Variants in SPTBN5 observed in about 807,000 individuals in gnomAD.
SPTBN5 encodes spectrin beta chain, non-erythrocytic 5.
A neutral mutation model predicts 477.6 loss-of-function variants in SPTBN5; 513 were observed. The observed-to-expected ratio is 1.07, with a 90% CI of 1.00 to 1.16. SPTBN5 has a LOEUF of 1.16. Ranked by LOEUF, SPTBN5 falls within the 50% of genes most tolerant of loss-of-function variation. The pLI is 0.00. For synonymous variants in SPTBN5, 2,169 were observed against 2,011.7 expected (o/e 1.08, Z -2.09); for missense variants, 5,062 against 4,731.8 (o/e 1.07, Z -2.05).
chr15:41,877,479 A>T (rs2066782825), intron 17 of SPTBN5, 123 bp from the exon 18 acceptor site: 1 of 1,374,000 alleles, frequency 7.3e-7, no homozygotes, highest in Non-Finnish European at 9.7e-7. Context: ...TGATAGGCCC[A>T]GCAGAGTGCT....
Position 41,881,095 on chromosome 15 carries a change from G to A in SPTBN5, c.2597C>T (p.Thr866Ile). 1 of 1,612,184 alleles carries A rather than the reference G, an allele frequency of 6.2e-7. No individual in the cohort carries two copies. The highest frequency in any genetic ancestry group is 8.5e-7 in the Non-Finnish European group (1 of 1,179,158). ...AEPDPDFDPN[T>I]ILQTQDHLSQ... ...CAAGTGGTCCTGTGTCTGGAGTATA[G>A]TGTTGGGATCAAAGTCAGGGTCAGG... The change falls in exon 13 of 68, where the codon ACT becomes ATT. Residue 866 changes from threonine to isoleucine, a missense_variant. Thr to Ile is a moderately conservative substitution (Grantham distance 89). Coordinates refer to ENST00000320955, the MANE Select transcript of SPTBN5 (RefSeq NM_016642.4).
In SPTBN5 at chr15:41,854,775, C is replaced by A; in HGVS notation, c.9618+7G>T. The A allele has an allele frequency of 6.6e-7, 1 of 1,511,576 alleles. No individual in the cohort carries two copies. Among genetic ancestry groups the A allele is most frequent in the Middle Eastern group, 1.8e-4 (1 of 5,590 alleles). The allele number at this position is 1,511,576 out of a possible 1,614,324, so 93.6% of individuals were successfully genotyped here. A position where few individuals can be genotyped will look rare whatever the true frequency, so the allele number is the denominator to read the frequency against. ...CCCTTAGCTTGGCCCGGCCTGTGAT[C>A]ACCTACCTCTGTGCGGGCTTTTATT... On this transcript the variant is annotated splice_region_variant and intron_variant, in intron 56 of 67. Transcript: ENST00000320955.
Position 41,854,080 on chromosome 15 carries a change from C to T in SPTBN5, c.9744G>A (p.Arg3248=), listed in dbSNP as rs761915849. The T allele has an allele frequency of 2.5e-6, 4 of 1,577,258 alleles. No individual in the cohort carries two copies. The Admixed American group carries it at 5.4e-5, about 21-fold the overall frequency. ...EDGGHSLSSV[R]TLQQQHRRLE... is the part of the protein sequence containing the mutation. ...GGCGCCTGTGCTGTTGCTGCAGGGT[C>T]CGCACAGATGACAGGCTGTGGCCTC... The change falls in exon 57 of 68, where the codon CGG becomes CGA. Residue 3248 remains arginine (R), a synonymous_variant. Transcript: ENST00000320955.
rs372610201 is a variant in SPTBN5, at chr15:41,858,949, G to T, written c.8020C>A (p.Arg2674Ser). Residue 2674 changes from arginine (R) to serine (S), a missense_variant, in exon 48 of 68, where the codon CGC becomes AGC. By Grantham distance (110) the Arg-to-Ser change is moderately radical. Transcript: ENST00000320955. ...KEALFRQAGT[R>S]RHRLEELRQL... ...CGGAGCTCCTCCAGGCGATGGCGGC[G>T]GGTCCCGGCTTGCCTGAAGAGCGCC... 4 of 1,589,252 alleles carry T rather than the reference G, an allele frequency of 2.5e-6. No individual in the cohort carries two copies. The highest frequency in any genetic ancestry group is 2.7e-5 in the African/African-American group (2 of 74,528).
chr15:41,863,654 C>T (rs201797965), intron 41 of SPTBN5, 50 bp downstream of exon 41: 1 of 1,467,200 alleles, frequency 6.8e-7, no homozygotes, highest in South Asian at 1.2e-5. Flanking sequence ...GCCCCCTCCC[C>T]TGACTGCATT....
In SPTBN5 at chr15:41,850,849, C is replaced by T. The variant is rs767673954; in HGVS notation, c.10921+5G>A. 6.9e-6 allele frequency: 11 copies of T among 1,590,124 alleles called. No individual in the cohort carries two copies. Among genetic ancestry groups the T allele is most frequent in the Middle Eastern group, 1.7e-4 (1 of 6,034 alleles). On this transcript the variant is annotated splice_donor_5th_base_variant and intron_variant, in intron 66 of 67. Transcript: ENST00000320955. ...CCCTCCCCGCATCCTTCCCCTGAAG[C>T]CCACCTGCAGTGCTGCCCAGGGCTC...
intron 36 of SPTBN5, 61 bp downstream of exon 36, chr15:41,866,898 C>A: frequency 1.3e-6 from 2 of 1,490,014 alleles, no homozygotes; most frequent in Admixed American, 2.2e-5. Context: ...GGTGTGAAGG[C>A]GGCTGAAAAC....
intron 39 of SPTBN5, among the ~76,000 whole-genome samples, chr15:41,865,025 T>C (rs911016548): frequency 4.6e-5 from 7 of 152,366 alleles, no homozygotes; most frequent in African/African-American, 1.2e-4. Context: ...TACTGCAGCA[T>C]CTGGCACAGC....
Position 41,878,354 on chromosome 15 carries a change from AG to A in SPTBN5, c.3457del (p.Leu1153CysfsTer31). 1 of 1,613,628 alleles carries A rather than the reference AG, an allele frequency of 6.2e-7. No individual in the cohort carries two copies. Reference sequence around the variant, plus strand: ...CTCCTGTCCTGACCTCTCCTGCCACAGGTGGATCTCCTCCAGCAGGTCTTGG... The same window carrying A: ...CTCCTGTCCTGACCTCTCCTGCCACAGTGGATCTCCTCCAGCAGGTCTTGG... ...EHQDLLEEIH[L>X]WQERLQQLDA... On this transcript the variant is annotated frameshift_variant, in exon 17 of 68. Transcript: ENST00000320955. LOFTEE classifies it high-confidence loss of function.
chr15:41,875,987 G>A, intron 21 of SPTBN5, 127 bp downstream of exon 21: 2 of 1,180,350 alleles, frequency 1.7e-6, no homozygotes, highest in Non-Finnish European at 2.3e-6. Context: ...GGCTTGCAGG[G>A]GGAGGTTCTA....
At chr15:41,876,701 C>G in intron 19 of SPTBN5, 54 bp from the exon 20 acceptor site, 1 of 1,589,248 alleles carries the variant, frequency 6.3e-7, no homozygotes, top group Non-Finnish European at 8.6e-7. Context: ...CCCACCCCAG[C>G]ACGAGGTGCA....
Position 41,869,860 on chromosome 15 carries a change from A to AGGAGGCGTGCCCGCTCCAGCTGGGCCC in SPTBN5, c.5807_5833dup (p.Arg1936_Leu1944dup). 1 of 1,561,544 alleles carries AGGAGGCGTGCCCGCTCCAGCTGGGCCC rather than the reference A, an allele frequency of 6.4e-7. No individual in the cohort carries two copies. The highest frequency in any genetic ancestry group is 8.6e-7 in the Non-Finnish European group (1 of 1,163,466). On this transcript the variant is annotated inframe_insertion, in exon 32 of 68. Coordinates refer to ENST00000320955, the MANE Select transcript of SPTBN5 (RefSeq NM_016642.4). ...CCTCACCGCCGTGCGGAAGCGGGCC[A>AGGAGGCGTGCCCGCTCCAGCTGGGCCC]GGAGGCGTGCCCGCTCCAGCTGGGC...
In SPTBN5 at chr15:41,882,680, C is replaced by T. The variant is rs747572356; in HGVS notation, c.1951G>A (p.Glu651Lys). The change falls in exon 10 of 68, where the codon GAG becomes AAG. Residue 651 changes from glutamate to lysine, a missense_variant. Physicochemically the swap from Glu to Lys is moderately conservative, Grantham distance 56. Coordinates refer to ENST00000320955, the MANE Select transcript of SPTBN5 (RefSeq NM_016642.4). ...CCGCACTCCTTCAGCCAGGCTTCCT[C>T]CTCCTCACAGTTGCGCAGGAACTCT... Reference protein sequence around the residue: ...RAEFLRNCEEEEAWLKECGQR... With the variant: ...RAEFLRNCEEKEAWLKECGQR... 3.7e-6 allele frequency: 6 copies of T among 1,609,164 alleles called. No homozygotes were observed. Among genetic ancestry groups the T allele is most frequent in the East Asian group, 2.2e-5 (1 of 44,794 alleles).
chr15:41,879,464 G>A lies in SPTBN5; in HGVS notation c.2978C>T (p.Ala993Val). The change falls in exon 16 of 68, where the codon GCC becomes GTC. Residue 993 changes from alanine (A) to valine (V), a missense_variant. Coordinates refer to ENST00000320955, the MANE Select transcript of SPTBN5 (RefSeq NM_016642.4). Reference sequence around the variant, plus strand: ...TTCCACACTGTGTGCCAGCTGCACGGCCTTCTCCCTCTTCAGGGCCTCCAG... The same window carrying A: ...TTCCACACTGTGTGCCAGCTGCACGACCTTCTCCCTCTTCAGGGCCTCCAG... ...GQLEALKREKAVQLAHSVEVC... is the reference protein window; with the variant it reads ...GQLEALKREKVVQLAHSVEVC... The A allele has an allele frequency of 1.9e-6, 3 of 1,592,702 alleles. No individual in the cohort carries two copies. Among genetic ancestry groups the A allele is most frequent in the Non-Finnish European group, 2.6e-6 (3 of 1,171,604 alleles).
chr15:41,868,903 G>A lies in SPTBN5; in HGVS notation c.5854-302C>T, dbSNP rs535336037. Among the ~76,000 whole-genome samples, 389 of 152,344 alleles carry A rather than the reference G, an allele frequency of 2.6e-3. 2 individuals are homozygous for A. The highest frequency in any genetic ancestry group is 8.9e-3 in the African/African-American group (369 of 41,580). On this transcript the variant is annotated intron_variant, in intron 32 of 67. Transcript: ENST00000320955. ...GCTCACCTGGATGAGGCCATGAGAG[G>A]ACTGGCGGCTAGCAAGATCAGCCCC...
chr15:41,852,530 G>A (rs1412663224), intron 61 of SPTBN5, 104 bp downstream of exon 61: 4 of 1,373,630 alleles, frequency 2.9e-6, no homozygotes, highest in Non-Finnish European at 4.1e-6. Flanking sequence ...GAGCAGGTAA[G>A]GCAGGGCCGG....
chr15:41,884,216 G>C (rs1395395314), intron 7 of SPTBN5, among the ~76,000 whole-genome samples: 3 of 152,110 alleles, frequency 2.0e-5, no homozygotes, highest in African/African-American at 7.2e-5. Context: ...TTGATCTCTT[G>C]ACCTCGTGAT....
chr15:41,887,192 C>G (rs768793182), intron 6 of SPTBN5, 21 bp downstream of exon 6: 3 of 1,548,262 alleles, frequency 1.9e-6, no homozygotes, highest in Admixed American at 2.0e-5. Context: ...TTGCTCACCC[C>G]ACCCCTCCTT....
intron 11 of SPTBN5, 21 bp downstream of exon 11, chr15:41,882,248 G>GCCCCCCCCCCC: frequency 7.1e-6 from 1 of 141,726 alleles, no homozygotes; most frequent in Non-Finnish European, 9.5e-6. Flanking sequence ...CCCCCACCCC[G>GCCCCCCCCCCC]CCTCCACCCC....
Sources: gnomAD v4.1 joint callset for allele counts (sites outside exome capture counted in the v4.1 genomes callset) on GRCh38, gnomAD v4.1.1 for gene constraint, MANE v1.5 for transcripts, NCBI Gene and HGNC (gene_info 2026-07-23, HGNC 2026-07-21) for gene names.